The following LRRC4C variants were observed in gnomAD, a reference collection of about 807,000 sequenced individuals.
LRRC4C encodes leucine rich repeat containing 4C, also known as leucine-rich repeat-containing protein 4C.
Under a neutral mutation model 33.6 loss-of-function variants are expected in LRRC4C, and 5 were observed. The observed-to-expected ratio is 0.15, with a 90% CI of 0.08 to 0.31. The LOEUF is 0.31. Among genes scored for constraint, LRRC4C ranks in the 10% least tolerant of loss-of-function variants. LRRC4C has a pLI of 1.00. For synonymous variants in LRRC4C, 329 were observed against 302.0 expected, an observed-to-expected ratio of 1.09 and a Z score of -0.93; for missense variants, 560 against 796.7, an observed-to-expected ratio of 0.70 and a Z score of 3.58.
chr11:41,082,935 C>T (rs1732392088), intron 1 of LRRC4C, among the ~76,000 whole-genome samples: 1 of 151,808 alleles, frequency 6.6e-6, no homozygotes, highest in African/African-American at 2.4e-5. Context: ...CCTTTTTCAC[C>T]AATGAGTGGT....
At chr11:40,773,414 T>C (rs527504441) in intron 2 of LRRC4C, among the ~76,000 whole-genome samples, 10 of 152,260 alleles carry the variant, frequency 6.6e-5, no homozygotes, top group Non-Finnish European at 1.2e-4. Context: ...ATATTCCATA[T>C]ACACTGTTGT....
chr11:41,280,103 CAAGAATTGTCTTT>C (rs1949615349), intron 1 of LRRC4C, among the ~76,000 whole-genome samples: 5 of 152,050 alleles, frequency 3.3e-5, no homozygotes, highest in African/African-American at 1.2e-4. Context: ...TCTGGAAAAG[CAAGAATTGTCTTT>C]ACTTCAATGC....
chr11:40,459,975 G>T (rs1249059520), intron 3 of LRRC4C, among the ~76,000 whole-genome samples: 3 of 152,134 alleles, frequency 2.0e-5, no homozygotes, highest in African/African-American at 7.2e-5. Flanking sequence ...ACTATCTTTG[G>T]CTGACAATCA....
chr11:41,163,289 T>TTG, intron 1 of LRRC4C, among the ~76,000 whole-genome samples: 1 of 112,374 alleles, frequency 8.9e-6, no homozygotes, highest in East Asian at 2.6e-4. Context: ...TAACTGTTTT[T>TTG]TTTTTTTTTT....
intron 6 of LRRC4C, among the ~76,000 whole-genome samples, chr11:40,138,475 C>T (rs1013052695): frequency 6.6e-6 from 1 of 152,324 alleles, no homozygotes; most frequent in East Asian, 1.9e-4. Context: ...TGTAGTATCA[C>T]ATCTAATCCT....
intron 3 of LRRC4C, among the ~76,000 whole-genome samples, chr11:40,517,551 C>A (rs1955613371): frequency 6.6e-6 from 1 of 152,100 alleles, no homozygotes; most frequent in African/African-American, 2.4e-5. Flanking sequence ...TTTAGAAGAT[C>A]CAATCAGACC....
chr11:41,123,334 G>A (rs1476049424), intron 1 of LRRC4C, among the ~76,000 whole-genome samples: 1 of 138,340 alleles, frequency 7.2e-6, no homozygotes, highest in Non-Finnish European at 1.5e-5. Context: ...GTGCAGTGGC[G>A]GGATCTCGGC....
At chr11:40,291,076 T>C (rs1565236835) in intron 4 of LRRC4C, among the ~76,000 whole-genome samples, 1 of 152,136 alleles carries the variant, frequency 6.6e-6, no homozygotes. Flanking sequence ...TTCCTTTTTT[T>C]ATTGACTTGA....
chr11:40,971,909 G>A (rs182125214), intron 1 of LRRC4C, among the ~76,000 whole-genome samples: 51 of 152,290 alleles, frequency 3.3e-4, no homozygotes, highest in Middle Eastern at 3.4e-3. Context: ...TCAGACTTGC[G>A]TGGGGCCTGT....
intron 4 of LRRC4C, among the ~76,000 whole-genome samples, chr11:40,245,641 A>C (rs1452265869): frequency 6.6e-6 from 1 of 152,108 alleles, no homozygotes; most frequent in Non-Finnish European, 1.5e-5. Context: ...TTATAGGTTC[A>C]CTCAATGATA....
chr11:40,922,651 G>T (rs937242029), intron 2 of LRRC4C, among the ~76,000 whole-genome samples: 5 of 152,152 alleles, frequency 3.3e-5, no homozygotes, highest in African/African-American at 1.2e-4. Context: ...CCTGTAGTCT[G>T]TCAATAACTT....
Position 40,440,591 on chromosome 11 carries a change from G to T in LRRC4C, c.-269-120870C>A, listed in dbSNP as rs1482661836. ...AGAATTTTCATATTCATTCTCTATT[G>T]ATATCTAATCCACTTGCTTCACTTT... On this transcript the variant is annotated intron_variant, in intron 3 of 6. Transcript: ENST00000528697. 1.3e-5 allele frequency among the ~76,000 whole-genome samples: 2 copies of T among 151,980 alleles called. 1 individual carries two copies. The highest frequency in any genetic ancestry group is 4.8e-5 in the African/African-American group (2 of 41,394).
At chr11:40,628,119 G>C (rs79738231) in intron 3 of LRRC4C, among the ~76,000 whole-genome samples, 3,186 of 152,286 alleles carry the variant, frequency 0.021, 107 homozygotes, top group African/African-American at 0.073. Flanking sequence ...ATTATAACCA[G>C]ATAAAAGGTA....
intron 1 of LRRC4C, among the ~76,000 whole-genome samples, chr11:41,253,383 A>G (rs1948702933): frequency 6.6e-6 from 1 of 152,150 alleles, no homozygotes; most frequent in Non-Finnish European, 1.5e-5. Flanking sequence ...CCAGTTAACT[A>G]TTAAGTATTT....
chr11:40,129,730 TAA>T (rs1455513272), intron 6 of LRRC4C, among the ~76,000 whole-genome samples: 1 of 152,112 alleles, frequency 6.6e-6, no homozygotes, highest in Admixed American at 6.6e-5. Context: ...ACCATTTATT[TAA>T]AAATCCATGG....
intron 5 of LRRC4C, among the ~76,000 whole-genome samples, chr11:40,174,471 A>G (rs566486051): frequency 6.6e-6 from 1 of 152,316 alleles, no homozygotes; most frequent in South Asian, 2.1e-4. Context: ...TTATCACTCA[A>G]GACTGTTAGA....
intron 2 of LRRC4C, among the ~76,000 whole-genome samples, chr11:40,928,136 C>G (rs1239066397): frequency 6.6e-6 from 1 of 151,800 alleles, no homozygotes; most frequent in Non-Finnish European, 1.5e-5. Flanking sequence ...CTAAATCTTA[C>G]ACTGTTTTGT....
At chr11:40,642,726 T>A (rs1193597071) in intron 3 of LRRC4C, among the ~76,000 whole-genome samples, 1 of 152,200 alleles carries the variant, frequency 6.6e-6, no homozygotes, top group African/African-American at 2.4e-5. Flanking sequence ...CAACAATTAT[T>A]TGCAAGCTCC....
intron 1 of LRRC4C, among the ~76,000 whole-genome samples, chr11:41,084,864 A>G (rs1188561804): frequency 6.6e-6 from 1 of 152,152 alleles, no homozygotes; most frequent in Non-Finnish European, 1.5e-5. Flanking sequence ...AACAAAAAAC[A>G]AACAAACCAA....
Sources: gnomAD v4.1 joint callset for allele counts (sites outside exome capture counted in the v4.1 genomes callset) on GRCh38, gnomAD v4.1.1 for gene constraint, MANE v1.5 for transcripts, NCBI Gene and HGNC (gene_info 2026-07-23, HGNC 2026-07-21) for gene names.